PLPBP: variants seen among roughly 807,000 people sequenced by gnomAD.
The protein encoded by PLPBP is pyridoxal phosphate homeostasis protein.
PLPBP carries 21 observed loss-of-function variants against 31.2 expected under a neutral mutation model. That is an observed-to-expected ratio of 0.67 (90% CI 0.48 to 0.97). The LOEUF (loss-of-function observed/expected upper bound fraction) is 0.97, where lower values mean the gene tolerates loss of function less well. Among genes scored for constraint, PLPBP ranks in the 50% least tolerant of loss-of-function variants. The pLI is 0.00. For missense variants in PLPBP, 308 were observed against 354.4 expected, an observed-to-expected ratio of 0.87 and a Z score of 1.05; for synonymous variants, 124 against 135.6, an observed-to-expected ratio of 0.91 and a Z score of 0.59.
intron 1 of PLPBP, among the ~76,000 whole-genome samples, chr8:37,763,959 A>G (rs77626567): frequency 0.028 from 4,244 of 152,106 alleles, 80 homozygotes; most frequent in Non-Finnish European, 0.042. Context: ...AGCAGAACGC[A>G]TAGAACCCCC....
At chr8:37,762,972 G>A (rs1803520962) in intron 1 of PLPBP, among the ~76,000 whole-genome samples, 1 of 152,192 alleles carries the variant, frequency 6.6e-6, no homozygotes, top group Non-Finnish European at 1.5e-5. Context: ...TTGGAGCAGA[G>A]GGTACCGCTA....
rs1225619721 is a variant in PLPBP, at chr8:37,778,808, T to C, written c.*704T>C. The C allele has an allele frequency of 6.6e-6, 1 of 151,680 alleles. No individual in the cohort carries two copies. The highest frequency in any genetic ancestry group is 2.4e-5 in the African/African-American group (1 of 41,236). 9.4% of individuals were successfully genotyped at this position (151,680 alleles called of 1,614,324 possible). Reference sequence around the variant, plus strand: ...CCCACCCCCCGTCTCTACAAAAAAATTTAAAAATTAACTGGGCATGGTGGC... The same window carrying C: ...CCCACCCCCCGTCTCTACAAAAAAACTTAAAAATTAACTGGGCATGGTGGC... On this transcript the variant is annotated 3_prime_UTR_variant, in exon 8 of 8. Transcript: ENST00000328195.
At chr8:37,769,035 C>T in intron 4 of PLPBP, among the ~76,000 whole-genome samples, 1 of 151,784 alleles carries the variant, frequency 6.6e-6, no homozygotes, top group Non-Finnish European at 1.5e-5. Flanking sequence ...AATCTGGAAA[C>T]CATAAAAAAA....
chr8:37,768,558 C>A (rs1348753206), intron 4 of PLPBP, among the ~76,000 whole-genome samples: 1 of 150,244 alleles, frequency 6.7e-6, no homozygotes, highest in African/African-American at 2.5e-5. Flanking sequence ...CTGCAACCTC[C>A]GCTTCCCAGG....
In PLPBP at chr8:37,778,858, C is replaced by T. The variant is rs1803985162; in HGVS notation, c.*754C>T. 6.6e-6 allele frequency: 1 copy of T among 151,586 alleles called. No homozygotes were observed. Among genetic ancestry groups the T allele is most frequent in the African/African-American group, 2.4e-5 (1 of 41,194 alleles). The allele number at this position is 151,586 out of a possible 1,614,324, so 9.4% of individuals were successfully genotyped here. On this transcript the variant is annotated 3_prime_UTR_variant, in exon 8 of 8. Coordinates refer to ENST00000328195, the MANE Select transcript of PLPBP (RefSeq NM_007198.4). ...CTGAGGTGGAAGAATGGAAGAATCA[C>T]TTGAGCCCAGGAGTTTGAGGCTGCA...
intron 4 of PLPBP, chr8:37,766,591 A>G: frequency 8.7e-7 from 1 of 1,149,132 alleles, no homozygotes; most frequent in Non-Finnish European, 1.1e-6. Flanking sequence ...CATGTTTATT[A>G]TTATTTGGTG....
At chr8:37,769,409 T>C (rs1216147421) in intron 4 of PLPBP, among the ~76,000 whole-genome samples, 2 of 151,424 alleles carry the variant, frequency 1.3e-5, no homozygotes, top group African/African-American at 2.4e-5. Context: ...AAATTAAAGC[T>C]TTCTGCATGT....
At chr8:37,775,883 G>A (rs1383445985) in intron 6 of PLPBP, 35 bp from the exon 7 acceptor site, 7 of 1,547,740 alleles carry the variant, frequency 4.5e-6, no homozygotes, top group Admixed American at 1.7e-5. Flanking sequence ...GTTAGAGAAG[G>A]CAGGAGTAAA....
At chr8:37,772,206 A>G (rs1803788653) in intron 4 of PLPBP, among the ~76,000 whole-genome samples, 1 of 152,214 alleles carries the variant, frequency 6.6e-6, no homozygotes, top group South Asian at 2.1e-4. Flanking sequence ...ATGGGGTTTC[A>G]CCATGTTGGC....
At chr8:37,765,968 A>G (rs1803616619) in intron 3 of PLPBP, among the ~76,000 whole-genome samples, 1 of 152,066 alleles carries the variant, frequency 6.6e-6, no homozygotes, top group African/African-American at 2.4e-5. Context: ...GCTGTTTGGA[A>G]ATGGTGGTTT....
chr8:37,773,074 A>G (rs1803816535), intron 5 of PLPBP, among the ~76,000 whole-genome samples, 185 bp downstream of exon 5: 1 of 152,200 alleles, frequency 6.6e-6, no homozygotes, highest in Non-Finnish European at 1.5e-5. Context: ...CAGTCTATGT[A>G]TCATTCTTTA....
intron 7 of PLPBP, among the ~76,000 whole-genome samples, chr8:37,776,391 G>A (rs1283967011): frequency 6.8e-5 from 10 of 147,798 alleles, no homozygotes; most frequent in African/African-American, 1.7e-4. Context: ...CAGGAGAATC[G>A]CTTGAACCCA....
At position 37,779,474 on chromosome 8, in the gene PLPBP, C is replaced by A. The variant is rs553714232; in HGVS notation, c.*1370C>A. On this transcript the variant is annotated 3_prime_UTR_variant, in exon 8 of 8. Coordinates refer to ENST00000328195, the MANE Select transcript of PLPBP (RefSeq NM_007198.4). The stretch of plus-strand genomic sequence containing the variant: ...ATAAAGTAGCAAGATCCTCAAAAAA[C>A]CCAAAAACACCATTCTCTAATAGTC... The A allele has an allele frequency of 1.9e-4, 29 of 152,336 alleles. No homozygotes were observed. The highest frequency in any genetic ancestry group is 6.7e-4 in the African/African-American group (28 of 41,564). 9.4% of individuals were successfully genotyped at this position (152,336 alleles called of 1,614,324 possible).
At chr8:37,766,623 G>A in intron 4 of PLPBP, 1 of 1,087,156 alleles carries the variant, frequency 9.2e-7, no homozygotes, top group Non-Finnish European at 1.1e-6. Context: ...AAATTATAAA[G>A]AATTGTAGCC....
chr8:37,775,796 A>G, intron 6 of PLPBP, 122 bp from the exon 7 acceptor site: 2 of 1,085,798 alleles, frequency 1.8e-6, no homozygotes, highest in Middle Eastern at 2.1e-4. Flanking sequence ...ACGTCTGGCA[A>G]TTTTGGCAGG....
In PLPBP at chr8:37,778,815, A is replaced by C. The variant is rs1803984143; in HGVS notation, c.*711A>C. ...CCCGTCTCTACAAAAAAATTTAAAA[A>C]TTAACTGGGCATGGTGGCTGAGGTG... is the stretch of plus-strand genomic sequence containing the variant. On this transcript the variant is annotated 3_prime_UTR_variant, in exon 8 of 8. Transcript: ENST00000328195. 6.6e-6 allele frequency: 1 copy of C among 152,116 alleles called. No individual in the cohort carries two copies. The highest frequency in any genetic ancestry group is 2.4e-5 in the African/African-American group (1 of 41,380). The allele number at this position is 152,116 out of a possible 1,614,324, so 9.4% of individuals were successfully genotyped here.
At chr8:37,765,846 G>A in intron 3 of PLPBP, 100 bp downstream of exon 3, 1 of 1,328,392 alleles carries the variant, frequency 7.5e-7, no homozygotes, top group Non-Finnish European at 1.0e-6. Flanking sequence ...CAGTTTTAGG[G>A]TGGTTGACTT....
rs770741304 is a variant in PLPBP at position 37,775,934 on chromosome 8, G to A, written c.614G>A (p.Arg205Gln). 15 of 1,613,600 alleles carry A rather than the reference G, an allele frequency of 9.3e-6. No individual in the cohort carries two copies. The highest frequency in any genetic ancestry group is 2.2e-5 in the East Asian group (1 of 44,850). ...NPDFQLLLSL[R>Q]EELCKKLNIP... is the part of the protein sequence containing the mutation. ...TTCTGTCAGCTGTTATTGTCCCTCCGGGAGGAGCTGTGTAAAAAGCTGAAC... is the reference window on the plus strand; with the variant it reads ...TTCTGTCAGCTGTTATTGTCCCTCCAGGAGGAGCTGTGTAAAAAGCTGAAC... Residue 205 changes from arginine to glutamine, a missense_variant, in exon 7 of 8, where the codon CGG becomes CAG. By Grantham distance (43) the Arg-to-Gln change is conservative. This residue lies in a region of PLPBP where 188 missense variants were observed against 259.3 expected (regional missense o/e 0.73). Coordinates refer to ENST00000328195, the MANE Select transcript of PLPBP (RefSeq NM_007198.4).
chr8:37,769,408 CT>C (rs557392859), intron 4 of PLPBP, among the ~76,000 whole-genome samples: 192 of 151,614 alleles, frequency 1.3e-3, no homozygotes, highest in African/African-American at 4.3e-3. Context: ...AAAATTAAAG[CT>C]TTCTGCATGT....
Sources: allele counts gnomAD v4.1 joint callset (sites outside exome capture counted in the v4.1 genomes callset), GRCh38; gene constraint gnomAD v4.1.1; regional missense constraint gnomAD v4.1.1; transcripts MANE v1.5; gene names NCBI Gene and HGNC (gene_info 2026-07-23, HGNC 2026-07-21).